CDKN2A: variants seen among roughly 807,000 people sequenced by gnomAD.
The protein encoded by CDKN2A is cyclin-dependent kinase inhibitor 2A.
In CDKN2A, 3 loss-of-function variants were observed where a neutral mutation model predicts 11.1. That is an observed-to-expected ratio of 0.27 (90% CI 0.12 to 0.70). The LOEUF is 0.70. Ranked by LOEUF, CDKN2A falls within the 30% of genes least tolerant of loss-of-function variation. The pLI is 0.77. For missense variants in CDKN2A, 265 were observed against 233.6 expected, an observed-to-expected ratio of 1.13 and a Z score of -0.88; for synonymous variants, 122 against 108.1, an observed-to-expected ratio of 1.13 and a Z score of -0.80.
chr9:21,975,160 G>A (rs2131115905), upstream of CDKN2A: 2 of 1,181,820 alleles, frequency 1.7e-6, no homozygotes, highest in East Asian at 8.5e-5. Context: ...CAAGGAAGGA[G>A]GACTGGGCTC....
chr9:21,977,662 G>A (rs529644658), upstream of CDKN2A, among the ~76,000 whole-genome samples: 55 of 152,272 alleles, frequency 3.6e-4, 1 homozygote, highest in African/African-American at 1.2e-3. Context: ...CATCGTGCCC[G>A]GCCTACAGTG....
upstream of CDKN2A, among the ~76,000 whole-genome samples, chr9:21,978,981 G>A (rs893866622): frequency 3.3e-5 from 5 of 152,268 alleles, no homozygotes; most frequent in East Asian, 5.8e-4. Flanking sequence ...AGCATGTAAC[G>A]CTCTTAGAAG....
In CDKN2A at chr9:21,968,660, C is replaced by G. The variant is rs1169244573; in HGVS notation, c.458-418G>C. ...TTGCACCTGGTGCGGAGTGAGCCAGCCAGCTTGCGATAACCAAAGGGCGCC... is the reference window on the plus strand; with the variant it reads ...TTGCACCTGGTGCGGAGTGAGCCAGGCAGCTTGCGATAACCAAAGGGCGCC... On this transcript the variant is annotated intron_variant, in intron 2 of 2. Transcript: ENST00000304494. The surrounding 1 kb of genome is among the most constrained non-coding windows in gnomAD (Gnocchi z 4.7). 3.3e-6 allele frequency: 5 copies of G among 1,534,436 alleles called. No homozygotes were observed. Among genetic ancestry groups the G allele is most frequent in the Non-Finnish European group, 4.4e-6 (5 of 1,145,866 alleles).
At chr9:21,982,871 C>CAA (rs35784582) in intron 2 of CDKN2A, among the ~76,000 whole-genome samples, 8 of 143,648 alleles carry the variant, frequency 5.6e-5, no homozygotes, top group Middle Eastern at 3.5e-3. Context: ...ATAATGCAGA[C>CAA]AAAAAAAAAA....
chr9:21,978,249 CTAAAACTTAAAGTA>C (rs1461401770), upstream of CDKN2A, among the ~76,000 whole-genome samples: 1 of 151,646 alleles, frequency 6.6e-6, no homozygotes, highest in African/African-American at 2.4e-5. Flanking sequence ...CACATGTACT[CTAAAACTTAAAGTA>C]TAAATAATAA....
At chr9:21,989,751 G>A (rs566676746) in intron 2 of CDKN2A, 6 of 152,304 alleles carry the variant, frequency 3.9e-5, no homozygotes, top group Non-Finnish European at 8.8e-5. Flanking sequence ...ACCCCACTCA[G>A]ACTCTGTCTG....
chr9:21,986,874 A>G (rs542429869), intron 2 of CDKN2A, among the ~76,000 whole-genome samples: 102 of 152,210 alleles, frequency 6.7e-4, no homozygotes, highest in African/African-American at 2.3e-3. Context: ...TAGATGTTCA[A>G]CTGGGGGAGT....
chr9:21,975,854 C>T (rs183120267), upstream of CDKN2A, among the ~76,000 whole-genome samples: 4 of 152,214 alleles, frequency 2.6e-5, no homozygotes, highest in Non-Finnish European at 4.4e-5. Context: ...GTCTCCTTCA[C>T]ACTTCTCACA....
intron 2 of CDKN2A, among the ~76,000 whole-genome samples, chr9:21,986,783 T>C (rs2131135099): frequency 6.6e-6 from 1 of 152,200 alleles, no homozygotes; most frequent in Middle Eastern, 3.4e-3. Context: ...ATGTTAAATA[T>C]AATATATTCA....
At chr9:21,975,837 C>A (rs958305868), upstream of CDKN2A, among the ~76,000 whole-genome samples, 1 of 152,220 alleles carries the variant, frequency 6.6e-6, no homozygotes, top group African/African-American at 2.4e-5. Context: ...GCTTCAAATA[C>A]TGTCCTGTCT....
In CDKN2A at chr9:21,974,832, C is replaced by T. The variant is rs2131114363; in HGVS notation, c.-5G>A. 1 of 1,581,468 alleles carries T rather than the reference C, an allele frequency of 6.3e-7. No homozygotes were observed. ...GCTCCCCGCCGCCGGCTCCATGCTGCTCCCCGCCGCCCGCTGCCTGCTCTC... is the reference window on the plus strand; with the variant it reads ...GCTCCCCGCCGCCGGCTCCATGCTGTTCCCCGCCGCCCGCTGCCTGCTCTC... On this transcript the variant is annotated 5_prime_UTR_variant, in exon 1 of 3. Transcript: ENST00000304494. This position sits in a 1 kb window ranked among gnomAD's most constrained non-coding sequence, Gnocchi z 5.2.
chr9:21,993,855 T>A, intron 2 of CDKN2A: 8 of 433,036 alleles, frequency 1.8e-5, no homozygotes, highest in Non-Finnish European at 2.1e-5. Context: ...GTCTTAGTCA[T>A]TCCCACCCAG....
intron 1 of CDKN2A, chr9:21,971,459 C>G: frequency 2.7e-6 from 3 of 1,116,344 alleles, no homozygotes; most frequent in Non-Finnish European, 3.7e-6. Context: ...CTGTGAGGCA[C>G]GGGCAAAATA....
rs1296654173 is a variant in CDKN2A, at chr9:21,991,433, T to C, written c.-4+2449A>G. On this transcript the variant is annotated intron_variant, in intron 2 of 3. Coordinates refer to the CDKN2A transcript ENST00000494262. The surrounding 1 kb of genome is among the most constrained non-coding windows in gnomAD (Gnocchi z 5.2). The stretch of plus-strand genomic sequence containing the variant: ...ACCCCTGGCCTACAGTGTTCTACTA[T>C]GAAGTTTCAGTTTTAGTTCGGCCTA... Among the ~76,000 whole-genome samples, 1 of 152,218 alleles carries C rather than the reference T, an allele frequency of 6.6e-6. No homozygotes were observed. Among genetic ancestry groups the C allele is most frequent in the Non-Finnish European group, 1.5e-5 (1 of 68,026 alleles).
chr9:21,984,531 CT>C (rs1820261115), intron 2 of CDKN2A, among the ~76,000 whole-genome samples: 1 of 151,942 alleles, frequency 6.6e-6, no homozygotes, highest in South Asian at 2.1e-4. Context: ...ATATGCTGTC[CT>C]TTTTAATTGC....
upstream of CDKN2A, among the ~76,000 whole-genome samples, chr9:21,977,235 T>C (rs1365809324): frequency 6.6e-6 from 1 of 152,212 alleles, no homozygotes; most frequent in African/African-American, 2.4e-5. Context: ...TATCGATAAA[T>C]AAAATTATTT....
chr9:21,987,050 G>A (rs531230718), intron 2 of CDKN2A, among the ~76,000 whole-genome samples: 2 of 152,118 alleles, frequency 1.3e-5, no homozygotes, highest in African/African-American at 4.8e-5. Context: ...CAAAGTCACT[G>A]GTGTAATATT....
upstream of CDKN2A, among the ~76,000 whole-genome samples, chr9:21,975,900 G>C (rs962823719): frequency 1.1e-4 from 16 of 152,040 alleles, no homozygotes; most frequent in South Asian, 2.1e-4. Flanking sequence ...TGCATTTTTC[G>C]TAATTATAAA....
At chr9:21,976,090 G>A (rs558791263), upstream of CDKN2A, among the ~76,000 whole-genome samples, 6 of 152,138 alleles carry the variant, frequency 3.9e-5, no homozygotes, top group Non-Finnish European at 7.4e-5. Context: ...GAAAGAAAAT[G>A]CTTTGGAGCA....
Sources: allele counts gnomAD v4.1 joint callset (sites outside exome capture counted in the v4.1 genomes callset), GRCh38; gene constraint gnomAD v4.1.1; non-coding constraint Gnocchi (gnomAD v3.1); transcripts MANE v1.5; gene names NCBI Gene and HGNC (gene_info 2026-07-23, HGNC 2026-07-21).